The following NCS1 variants were observed in gnomAD, a reference collection of about 807,000 sequenced individuals.
NCS1 encodes neuronal calcium sensor 1.
NCS1 carries 6 observed loss-of-function variants against 28.4 expected under a neutral mutation model. That is an observed-to-expected ratio of 0.21 (90% confidence interval 0.12 to 0.42). The LOEUF (loss-of-function observed/expected upper bound fraction) is 0.42. Among genes scored for constraint, NCS1 ranks in the 10% least tolerant of loss-of-function variants. The probability of loss-of-function intolerance (pLI) is 1.00; values close to 1 mark genes in which losing one functional copy is unlikely to be tolerated. For missense variants in NCS1, 131 were observed against 241.4 expected (o/e 0.54, Z 3.03); for synonymous variants, 86 against 99.3 (o/e 0.87, Z 0.79).
intron 1 of NCS1, among the ~76,000 whole-genome samples, chr9:130,178,930 CCTTCCCTCCT>C (rs1554904910): frequency 0.011 from 1,007 of 95,640 alleles, 4 homozygotes; most frequent in East Asian, 0.033. Context: ...CCTTCCCTCC[CCTTCCCTCCT>C]CTTTTTTTTT....
chr9:130,203,587 C>T (rs1412282077), intron 2 of NCS1, among the ~76,000 whole-genome samples: 12 of 152,136 alleles, frequency 7.9e-5, no homozygotes, highest in African/African-American at 2.4e-4. Flanking sequence ...GCCCTGGCCC[C>T]GATTGTGGCT....
At chr9:130,204,873 C>T (rs1474255391) in intron 2 of NCS1, among the ~76,000 whole-genome samples, 3 of 152,110 alleles carry the variant, frequency 2.0e-5, no homozygotes, top group Non-Finnish European at 4.4e-5. Flanking sequence ...CCGCATTAGG[C>T]GGATGAGGAA....
Position 130,177,220 on chromosome 9 carries a change from G to C in NCS1, c.64+4493G>C, listed in dbSNP as rs182860306. Among the ~76,000 whole-genome samples, 36 of 152,346 alleles carry C rather than the reference G, an allele frequency of 2.4e-4. 1 individual carries two copies. In the East Asian group the frequency reaches 6.8e-3, roughly 29 times the overall value. ...GCTCCAGGTTGGGGTCAGCAGTTGG[G>C]TTCTTGGGTGTCTCTGGTTGTGGAC... is the stretch of plus-strand genomic sequence containing the variant. On this transcript the variant is annotated intron_variant, in intron 1 of 7. Transcript: ENST00000372398. This position sits in a 1 kb window ranked among gnomAD's most constrained non-coding sequence, Gnocchi z 4.4.
chr9:130,218,077 AAC>A (rs1833213496), intron 3 of NCS1, 107 bp downstream of exon 3: 9 of 1,430,594 alleles, frequency 6.3e-6, no homozygotes, highest in Non-Finnish European at 8.8e-6. Context: ...CTAGAGAAGG[AAC>A]ACACACACGA....
Position 130,209,340 on chromosome 9 carries a change from T to C in NCS1, c.89+8358T>C, listed in dbSNP as rs1261993292. Among the ~76,000 whole-genome samples the C allele has an allele frequency of 6.6e-6, 1 of 151,980 alleles. No individual in the cohort carries two copies. The highest frequency in any genetic ancestry group is 2.4e-5 in the African/African-American group (1 of 41,366). ...GTCTGCAGGAACTGAGAGTGGCAAA[T>C]TCGGGGGAAGTCCTAGAGGACCGGG... On this transcript the variant is annotated intron_variant, in intron 2 of 7. Transcript: ENST00000372398. This position sits in a 1 kb window ranked among gnomAD's most constrained non-coding sequence, Gnocchi z 4.4.
chr9:130,193,769 C>T (rs988767463), intron 1 of NCS1: 14 of 153,438 alleles, frequency 9.1e-5, no homozygotes, highest in Admixed American at 5.2e-4. Context: ...ACAGGAGAGG[C>T]GTGGGCCTGG....
chr9:130,233,239 A>T lies in NCS1; in HGVS notation c.*267A>T, dbSNP rs1833521699. ...TGGAAAAGGCTACAGCCCTCTGCAT[A>T]AACCAAGGACTTGGCTGCCTCGCAG... On this transcript the variant is annotated 3_prime_UTR_variant, in exon 8 of 8. Coordinates refer to ENST00000372398, the MANE Select transcript of NCS1 (RefSeq NM_014286.4). This position sits in a 1 kb window ranked among gnomAD's most constrained non-coding sequence, Gnocchi z 4.8. The T allele has an allele frequency of 6.6e-6, 1 of 152,290 alleles. No homozygotes were observed. The highest frequency in any genetic ancestry group is 1.5e-5 in the Non-Finnish European group (1 of 68,054). 9.4% of individuals were successfully genotyped at this position (152,290 alleles called of 1,614,324 possible).
chr9:130,230,325 T>A (rs1833483379), intron 7 of NCS1, among the ~76,000 whole-genome samples: 1 of 152,150 alleles, frequency 6.6e-6, no homozygotes, highest in Admixed American at 6.5e-5. Flanking sequence ...CACTCCAGCC[T>A]GGGTGACAGA....
At position 130,183,775 on chromosome 9, in the gene NCS1, C is replaced by A. The variant is rs544410958; in HGVS notation, c.64+11048C>A. ...TCTCTTTCTCTTTCTCTTTTCCTTC[C>A]TTCCTTTTCTTTTCCCTTCCCTCCT... On this transcript the variant is annotated intron_variant, in intron 1 of 7. Transcript: ENST00000372398. Among the ~76,000 whole-genome samples the A allele has an allele frequency of 1.3e-4, 19 of 142,334 alleles. No individual in the cohort carries two copies. The South Asian group carries it at 3.6e-3, about 27-fold the overall frequency. 93.4% of individuals were successfully genotyped at this position (142,334 alleles called of 152,430 possible). A position where few individuals can be genotyped will look rare whatever the true frequency, so the allele number is the denominator to read the frequency against.
rs58649256 is a variant in NCS1 at position 130,220,753 on chromosome 9, C to CT, written c.307+964dup. ...AGTTTCTTTTTCTTTTTCTTTCTTTCTTTTTTTTTTTTTTAAGAAATAAAA... is the reference window on the plus strand; with the variant it reads ...AGTTTCTTTTTCTTTTTCTTTCTTTCTTTTTTTTTTTTTTTAAGAAATAAAA... On this transcript the variant is annotated intron_variant, in intron 4 of 7. Coordinates refer to ENST00000372398, the MANE Select transcript of NCS1 (RefSeq NM_014286.4). Among the ~76,000 whole-genome samples the CT allele has an allele frequency of 8.3e-3, 1,194 of 143,130 alleles. 3 individuals carry two copies. Among genetic ancestry groups the CT allele is most frequent in the African/African-American group, 0.02 (773 of 39,482 alleles). 93.9% of individuals were successfully genotyped at this position (143,130 alleles called of 152,430 possible).
At chr9:130,223,576 G>A (rs1483507296) in intron 6 of NCS1, among the ~76,000 whole-genome samples, 2 of 152,074 alleles carry the variant, frequency 1.3e-5, no homozygotes, top group Admixed American at 6.6e-5. Flanking sequence ...CTTTCTTAAC[G>A]CATTCACTAA....
At position 130,172,575 on chromosome 9, in the gene NCS1, G is replaced by A; in HGVS notation, c.-89G>A. ...CGCGGGCGCCGCAGACAAAGGCGCG[G>A]CCCCGGCCCGGCCCGCCCGGCCCAG... On this transcript the variant is annotated 5_prime_UTR_variant, in exon 1 of 8. Coordinates refer to ENST00000372398, the MANE Select transcript of NCS1 (RefSeq NM_014286.4). 9 of 631,130 alleles carry A rather than the reference G, an allele frequency of 1.4e-5. No individual in the cohort carries two copies. The highest frequency in any genetic ancestry group is 1.8e-5 in the Non-Finnish European group (9 of 490,930). 39.1% of individuals were successfully genotyped at this position (631,130 alleles called of 1,614,324 possible). A position where few individuals can be genotyped will look rare whatever the true frequency, so the allele number is the denominator to read the frequency against.
chr9:130,203,288 T>C (rs571997975), intron 2 of NCS1, among the ~76,000 whole-genome samples: 85 of 151,836 alleles, frequency 5.6e-4, no homozygotes, highest in Non-Finnish European at 1.0e-3. Context: ...CTGGCTAATT[T>C]TTCTATTTGT....
At chr9:130,207,251 A>G (rs1309443370) in intron 2 of NCS1, among the ~76,000 whole-genome samples, 1 of 152,160 alleles carries the variant, frequency 6.6e-6, no homozygotes, top group Non-Finnish European at 1.5e-5. Flanking sequence ...GGAAAATGGG[A>G]CAGCCCCTCT....
At chr9:130,230,708 C>CT (rs1310841915) in intron 7 of NCS1, among the ~76,000 whole-genome samples, 2 of 140,078 alleles carry the variant, frequency 1.4e-5, no homozygotes, top group East Asian at 4.1e-4. Context: ...GACTCTGTCT[C>CT]TTTAAAAAAA....
At chr9:130,222,618 C>G in intron 4 of NCS1, 32 bp from the exon 5 acceptor site, 1 of 1,604,696 alleles carries the variant, frequency 6.2e-7, no homozygotes, top group Non-Finnish European at 8.5e-7. Context: ...TGCCCCAGCC[C>G]AGGATCACTC....
At chr9:130,178,967 C>T (rs1241363724) in intron 1 of NCS1, among the ~76,000 whole-genome samples, 1 of 136,656 alleles carries the variant, frequency 7.3e-6, no homozygotes, top group African/African-American at 2.7e-5. Context: ...CAGAGTCTTA[C>T]TCTGTCACCC....
chr9:130,198,436 G>A (rs189165154), intron 1 of NCS1, among the ~76,000 whole-genome samples: 19 of 152,278 alleles, frequency 1.2e-4, no homozygotes, highest in Non-Finnish European at 2.4e-4. Context: ...TGTTTGTGTC[G>A]AATGCTGCCA....
intron 1 of NCS1, among the ~76,000 whole-genome samples, chr9:130,197,131 A>G (rs1046160139): frequency 3.3e-5 from 5 of 152,168 alleles, no homozygotes; most frequent in African/African-American, 1.2e-4. Flanking sequence ...CACTGCATCA[A>G]ATTAAGGGGT....
Sources: allele counts gnomAD v4.1 joint callset (sites outside exome capture counted in the v4.1 genomes callset), GRCh38; gene constraint gnomAD v4.1.1; non-coding constraint Gnocchi (gnomAD v3.1); transcripts MANE v1.5; gene names NCBI Gene and HGNC (gene_info 2026-07-23, HGNC 2026-07-21).